The following RPS6 variants were observed in gnomAD, a reference collection of about 807,000 sequenced individuals.
RPS6 encodes the protein ribosomal protein S6, also known as small ribosomal subunit protein eS6.
Under a neutral mutation model 27.1 loss-of-function variants are expected in RPS6, and 1 was observed. The ratio of observed to expected loss-of-function variants is 0.04; its 90% confidence interval spans 0.01 to 0.18. The LOEUF (loss-of-function observed/expected upper bound fraction) is 0.18. Among genes scored for constraint, RPS6 ranks in the 10% least tolerant of loss-of-function variants. The pLI is 1.00. For synonymous variants in RPS6, 152 were observed against 106.0 expected (o/e 1.43, Z -2.66); for missense variants, 259 against 319.1 (o/e 0.81, Z 1.44).
At chr9:19,376,842 A>G (rs1468875381) in intron 4 of RPS6, 191 bp from the exon 5 acceptor site, 2 of 493,624 alleles carry the variant, frequency 4.1e-6, no homozygotes, top group African/African-American at 3.9e-5. Flanking sequence ...TTGGTTAAAT[A>G]TTATAAAAAT....
At chr9:19,379,238 T>C in intron 2 of RPS6, 2 of 1,333,348 alleles carry the variant, frequency 1.5e-6, no homozygotes, top group Non-Finnish European at 2.0e-6. Flanking sequence ...AGGACAGCTA[T>C]GTGACATATT....
intron 1 of RPS6, 164 bp downstream of exon 1, chr9:19,380,026 T>G (rs972697302): frequency 6.5e-7 from 1 of 1,529,152 alleles, no homozygotes; most frequent in Non-Finnish European, 8.8e-7. Context: ...TGCCATCCGT[T>G]CGGCCAAAAA....
intron 4 of RPS6, among the ~76,000 whole-genome samples, chr9:19,377,392 CT>C (rs77882767): frequency 0.014 from 1,852 of 132,220 alleles, 21 homozygotes; most frequent in African/African-American, 0.03. Context: ...TTGTCAATTG[CT>C]TTTTTTTTTT....
At chr9:19,380,116 C>T (rs1829654602) in intron 1 of RPS6, 74 bp downstream of exon 1, 1 of 1,614,008 alleles carries the variant, frequency 6.2e-7, no homozygotes, top group African/African-American at 1.3e-5. Flanking sequence ...AGTGCTGGAA[C>T]TGAGGCAATG....
chr9:19,376,182 C>A lies in RPS6; in HGVS notation c.*111G>T. 1 of 899,820 alleles carries A rather than the reference C, an allele frequency of 1.1e-6. No homozygotes were observed. The highest frequency in any genetic ancestry group is 1.7e-6 in the Non-Finnish European group (1 of 576,836). 55.7% of individuals were successfully genotyped at this position (899,820 alleles called of 1,614,324 possible). On this transcript the variant is annotated 3_prime_UTR_variant, in exon 6 of 6. Transcript: ENST00000380394. Reference sequence around the variant, plus strand: ...ATTGGAATACCATATATACATATCCCCATTTTCTATGACCTAACTTTCCCT... The same window carrying A: ...ATTGGAATACCATATATACATATCCACATTTTCTATGACCTAACTTTCCCT...
intron 1 of RPS6, 161 bp from the exon 2 acceptor site, chr9:19,379,779 A>G (rs1829648920): frequency 6.8e-7 from 1 of 1,463,322 alleles, no homozygotes; most frequent in East Asian, 2.4e-5. Context: ...ACGTGAAAGC[A>G]GAGTAGCAGT....
Position 19,378,414 on chromosome 9 carries a change from T to C in RPS6, c.450A>G (p.Glu150=). 1 of 1,613,660 alleles carries C rather than the reference T, an allele frequency of 6.2e-7. No homozygotes were observed. The highest frequency in any genetic ancestry group is 8.5e-7 in the Non-Finnish European group (1 of 1,180,022). Residue 150 remains glutamate (E), a synonymous_variant, in exon 4 of 6, where the codon GAA becomes GAG. Transcript: ENST00000380394. ...TTACAACATACTGGCGGACATCATC[T>C]TCTTTAGAGAGATTGAAAAGTTTGC... ...RIRKLFNLSK[E]DDVRQYVVRK...
intron 4 of RPS6, 53 bp downstream of exon 4, chr9:19,378,312 AAAT>A: frequency 6.4e-7 from 1 of 1,563,020 alleles, no homozygotes; most frequent in South Asian, 1.1e-5. Flanking sequence ...TATGCACACA[AAAT>A]GATAGACAAA....
rs1311190175 is a variant in RPS6 at position 19,375,904 on chromosome 9, A to T, written c.*389T>A. 1 of 155,096 alleles carries T rather than the reference A, an allele frequency of 6.4e-6. No homozygotes were observed. Among genetic ancestry groups the T allele is most frequent in the Non-Finnish European group, 1.4e-5 (1 of 69,944 alleles). 9.6% of individuals were successfully genotyped at this position (155,096 alleles called of 1,614,324 possible). Reference sequence around the variant, plus strand: ...TTAAAAGTTACCTTTTAAAAAAGACATGTTCATCTTCACAAGGTCAATTTT... The same window carrying T: ...TTAAAAGTTACCTTTTAAAAAAGACTTGTTCATCTTCACAAGGTCAATTTT... On this transcript the variant is annotated 3_prime_UTR_variant, in exon 6 of 6. Transcript: ENST00000380394.
chr9:19,378,900 T>C lies in RPS6; in HGVS notation c.157A>G (p.Ser53Gly), dbSNP rs1483936424. The C allele has an allele frequency of 1.2e-6, 2 of 1,614,168 alleles. No homozygotes were observed. The change falls in exon 3 of 6, where the codon AGT (serine) becomes GGT (glycine). Residue 53 changes from serine (S) to glycine (G), a missense_variant. By Grantham distance (56) the Ser-to-Gly change is moderately conservative. This residue lies in a region of RPS6 where 65 missense variants were observed against 66.6 expected (regional missense o/e 0.98). Coordinates refer to ENST00000380394, the MANE Select transcript of RPS6 (RefSeq NM_001010.3). Reference sequence around the variant, plus strand: ...AAACCTTGTTTGTCGTTCCCACCACTGATTCGGACCACATAACCCTGCAAG... The same window carrying C: ...AAACCTTGTTTGTCGTTCCCACCACCGATTCGGACCACATAACCCTGCAAG... Reference protein sequence around the residue: ...EEWKGYVVRISGGNDKQGFPM... With the variant: ...EEWKGYVVRIGGGNDKQGFPM...
chr9:19,379,124 T>A (rs1482614136), intron 2 of RPS6: 45 of 773,324 alleles, frequency 5.8e-5, no homozygotes, highest in Non-Finnish European at 8.0e-6. Flanking sequence ...TCAAGTCGCA[T>A]TTCTAACCGA....
intron 1 of RPS6, 30 bp from the exon 2 acceptor site, chr9:19,379,648 C>A (rs1261489281): frequency 6.3e-7 from 1 of 1,599,428 alleles, no homozygotes; most frequent in Non-Finnish European, 8.5e-7. Context: ...AAATAGTTTA[C>A]GAAACTATCT....
At chr9:19,379,422 T>C (rs761416271) in intron 2 of RPS6, 65 bp downstream of exon 2, 2 of 1,601,704 alleles carry the variant, frequency 1.2e-6, no homozygotes, top group East Asian at 4.5e-5. Flanking sequence ...CCATTCCAAA[T>C]ACCAGTTACC....
chr9:19,379,986 C>T, intron 1 of RPS6: 5 of 1,454,382 alleles, frequency 3.4e-6, no homozygotes, highest in East Asian at 2.5e-5. Flanking sequence ...ATGGCGCTCC[C>T]GGCCCGCCGC....
chr9:19,379,913 A>C lies in RPS6; in HGVS notation c.6+277T>G, dbSNP rs546934138. ...GAAAGCCGGGGTCAAGAGCCGCACC[A>C]CAGGCCTGCCGCAAACTGGGCAACA... is the stretch of plus-strand genomic sequence containing the variant. On this transcript the variant is annotated intron_variant, in intron 1 of 5. Transcript: ENST00000380394. The C allele has an allele frequency of 2.8e-6, 4 of 1,429,000 alleles. No individual in the cohort carries two copies. The South Asian group carries it at 6.1e-5, about 22-fold the overall frequency. 88.5% of individuals were successfully genotyped at this position (1,429,000 alleles called of 1,614,324 possible).
Position 19,378,884 on chromosome 9 carries a change from T to C in RPS6, c.173A>G (p.Lys58Arg), listed in dbSNP as rs759238497. 1.9e-5 allele frequency: 31 copies of C among 1,614,200 alleles called. No individual in the cohort carries two copies. Among genetic ancestry groups the C allele is most frequent in the East Asian group, 6.7e-5 (3 of 44,894 alleles). The change falls in exon 3 of 6, where the codon AAA (lysine) becomes AGA (arginine). Residue 58 changes from lysine to arginine, a missense_variant. Physicochemically the swap from Lys to Arg is conservative, Grantham distance 26. Transcript: ENST00000380394. ...YVVRISGGNDKQGFPMKQGVL... is the reference protein window; with the variant it reads ...YVVRISGGNDRQGFPMKQGVL... ...ACCCTGCTTCATGGGGAAACCTTGT[T>C]TGTCGTTCCCACCACTGATTCGGAC...
Position 19,376,091 on chromosome 9 carries a change from A to G in RPS6, c.*202T>C, listed in dbSNP as rs371528908. 42 of 483,082 alleles carry G rather than the reference A, an allele frequency of 8.7e-5. 2 individuals are homozygous for G. The highest frequency in any genetic ancestry group is 4.6e-4 in the Admixed American group (12 of 26,316). The allele number at this position is 483,082 out of a possible 1,614,324, so 29.9% of individuals were successfully genotyped here. ...CCCTTCCTGTGCCACCCATCCCCTG[A>G]AAGGAACCCCTGTACACTGACCTTG... On this transcript the variant is annotated 3_prime_UTR_variant, in exon 6 of 6. Transcript: ENST00000380394.
At chr9:19,379,662 CAGGTAATTGTAG>C in intron 1 of RPS6, 44 bp from the exon 2 acceptor site, 2 of 1,579,418 alleles carry the variant, frequency 1.3e-6, no homozygotes, top group Non-Finnish European at 1.7e-6. Context: ...ACTATCTATA[CAGGTAATTGTAG>C]AGCCATCTAC....
chr9:19,380,018 C>A, intron 1 of RPS6, 172 bp downstream of exon 1: 2 of 1,513,512 alleles, frequency 1.3e-6, no homozygotes, highest in Non-Finnish European at 1.8e-6. Flanking sequence ...CAATCGCCTG[C>A]CATCCGTTCG....
Sources: allele counts gnomAD v4.1 joint callset (sites outside exome capture counted in the v4.1 genomes callset), GRCh38; gene constraint gnomAD v4.1.1; regional missense constraint gnomAD v4.1.1; transcripts MANE v1.5; gene names NCBI Gene and HGNC (gene_info 2026-07-23, HGNC 2026-07-21).